The following PPM1H variants were observed in gnomAD, a reference collection of about 807,000 sequenced individuals.
PPM1H encodes protein phosphatase 1H.
A neutral mutation model predicts 54.9 loss-of-function variants in PPM1H; 27 were observed. The ratio of observed to expected loss-of-function variants is 0.49; its 90% CI spans 0.36 to 0.68. The LOEUF (loss-of-function observed/expected upper bound fraction) is 0.68. Ranked by LOEUF, PPM1H falls within the 30% of genes least tolerant of loss-of-function variation. The pLI, the probability that PPM1H is intolerant of heterozygous loss-of-function variation, is 0.00. For missense variants in PPM1H, 596 were observed against 667.8 expected, an observed-to-expected ratio of 0.89 and a Z score of 1.19; for synonymous variants, 305 against 270.8, an observed-to-expected ratio of 1.13 and a Z score of -1.24.
At chr12:62,680,802 T>C (rs1036510457) in intron 8 of PPM1H, among the ~76,000 whole-genome samples, 2 of 152,260 alleles carry the variant, frequency 1.3e-5, no homozygotes, top group African/African-American at 4.8e-5. Flanking sequence ...TTGGAGGAGG[T>C]TTGTTTTGTA....
chr12:62,816,486 T>C (rs1019794349), intron 2 of PPM1H, among the ~76,000 whole-genome samples: 4 of 152,200 alleles, frequency 2.6e-5, no homozygotes, highest in African/African-American at 9.6e-5. Context: ...CTTCAGACTA[T>C]GTGTGTAAGC....
chr12:62,912,645 T>A (rs765576467), intron 1 of PPM1H, among the ~76,000 whole-genome samples: 1 of 152,110 alleles, frequency 6.6e-6, no homozygotes, highest in Non-Finnish European at 1.5e-5. Context: ...ACTCAATCTG[T>A]TTTTTGTTTT....
intron 1 of PPM1H, among the ~76,000 whole-genome samples, chr12:62,854,216 T>C (rs1869301146): frequency 6.6e-6 from 1 of 152,174 alleles, no homozygotes; most frequent in African/African-American, 2.4e-5. Flanking sequence ...GTATAAACAG[T>C]GTAGAAATTA....
intron 1 of PPM1H, among the ~76,000 whole-genome samples, chr12:62,857,671 G>T (rs1592638970): frequency 6.6e-6 from 1 of 152,050 alleles, no homozygotes; most frequent in Non-Finnish European, 1.5e-5. Context: ...TTTTATTTAA[G>T]CCCTTCATGC....
intron 1 of PPM1H, among the ~76,000 whole-genome samples, chr12:62,876,943 C>T (rs1387536549): frequency 6.6e-6 from 1 of 152,166 alleles, no homozygotes; most frequent in South Asian, 2.1e-4. Context: ...TTTCCTTCAG[C>T]AAGAATTGGA....
chr12:62,657,904 G>A (rs989279067), intron 9 of PPM1H, among the ~76,000 whole-genome samples: 1 of 152,168 alleles, frequency 6.6e-6, no homozygotes, highest in Admixed American at 6.5e-5. Context: ...AGACTGACAA[G>A]TGTGGACATC....
At chr12:62,891,228 G>A (rs1462151651) in intron 1 of PPM1H, among the ~76,000 whole-genome samples, 3 of 151,038 alleles carry the variant, frequency 2.0e-5, no homozygotes, top group Non-Finnish European at 2.9e-5. Flanking sequence ...TTCCATATAC[G>A]AATGGAAATA....
chr12:62,656,087 G>A (rs1355155105), intron 9 of PPM1H, among the ~76,000 whole-genome samples: 1 of 152,222 alleles, frequency 6.6e-6, no homozygotes, highest in Non-Finnish European at 1.5e-5. Context: ...GACTCTTAAA[G>A]TCAGGCGGAA....
intron 1 of PPM1H, among the ~76,000 whole-genome samples, chr12:62,890,381 C>A (rs964061011): frequency 6.6e-6 from 1 of 152,094 alleles, no homozygotes; most frequent in South Asian, 2.1e-4. Context: ...ACGCTTGAGC[C>A]TGGAAGGTCA....
At chr12:62,698,818 G>A (rs1218636684) in intron 6 of PPM1H, among the ~76,000 whole-genome samples, 1 of 152,048 alleles carries the variant, frequency 6.6e-6, no homozygotes, top group Non-Finnish European at 1.5e-5. Flanking sequence ...GTCTCCTCTA[G>A]TTTATAATGA....
chr12:62,861,868 C>G (rs1869614306), intron 1 of PPM1H, among the ~76,000 whole-genome samples: 1 of 152,192 alleles, frequency 6.6e-6, no homozygotes, highest in Non-Finnish European at 1.5e-5. Flanking sequence ...TCAGTGTTAC[C>G]AAGTCTCCAG....
intron 3 of PPM1H, among the ~76,000 whole-genome samples, chr12:62,796,456 A>G (rs1222004487): frequency 6.6e-6 from 1 of 152,200 alleles, no homozygotes; most frequent in Non-Finnish European, 1.5e-5. Flanking sequence ...GGTTCGATTA[A>G]TTTGCTAGAG....
chr12:62,759,738 G>A (rs2076496190), intron 4 of PPM1H, among the ~76,000 whole-genome samples: 2 of 150,526 alleles, frequency 1.3e-5, no homozygotes, highest in South Asian at 4.2e-4. Context: ...TTCCTGGGGG[G>A]CAAGCACCTC....
At chr12:62,691,106 A>C (rs1334536685) in intron 7 of PPM1H, among the ~76,000 whole-genome samples, 1 of 152,216 alleles carries the variant, frequency 6.6e-6, no homozygotes, top group Non-Finnish European at 1.5e-5. Context: ...GCAAGTTTAG[A>C]GGAGGTAAAA....
chr12:62,689,865 A>G lies in PPM1H; in HGVS notation c.1138-59T>C, dbSNP rs111349683. ...GCACACAGTGAAAGCATCCCATTCC[A>G]GTGCAGCTGCCTGGGCTAGGAACAA... On this transcript the variant is annotated intron_variant, in intron 7 of 9. Transcript: ENST00000228705. 6.1e-4 allele frequency: 744 copies of G among 1,211,408 alleles called. 2 individuals are homozygous for G. In the African/African-American group the frequency reaches 0.01, roughly 17 times the overall value. The allele number at this position is 1,211,408 out of a possible 1,614,324, so 75.0% of individuals were successfully genotyped here. A position where few individuals can be genotyped will look rare whatever the true frequency, so the allele number is the denominator to read the frequency against.
intron 6 of PPM1H, among the ~76,000 whole-genome samples, chr12:62,698,352 C>T (rs163688): frequency 0.32 from 49,393 of 152,002 alleles, 9,228 homozygotes; most frequent in African/African-American, 0.51. Flanking sequence ...CCCAAACCCG[C>T]TGGCCCATCT....
chr12:62,849,592 G>C (rs1869102901), intron 1 of PPM1H, among the ~76,000 whole-genome samples: 1 of 152,168 alleles, frequency 6.6e-6, no homozygotes, highest in Non-Finnish European at 1.5e-5. Context: ...GAGGTTTTAA[G>C]AGGGAAAGGT....
At chr12:62,692,742 C>A (rs768640189) in intron 7 of PPM1H, among the ~76,000 whole-genome samples, 1 of 152,164 alleles carries the variant, frequency 6.6e-6, no homozygotes, top group Non-Finnish European at 1.5e-5. Flanking sequence ...GATTCTTAAC[C>A]AGAGACTGTG....
At position 62,801,890 on chromosome 12, in the gene PPM1H, G is replaced by T. The variant is rs760993330; in HGVS notation, c.682C>A (p.Arg228Ser). The T allele has an allele frequency of 3.1e-6, 5 of 1,613,736 alleles. No individual in the cohort carries two copies. The East Asian group carries it at 6.7e-5, about 22-fold the overall frequency. ...APGSPSTPPT[R>S]FFTEKKIPHE... ...GGAATCTTCTTCTCGGTAAAGAAGC[G>T]TGTGGGGGGCGTGCTGGGGGAGCCC... Residue 228 changes from arginine (R) to serine (S), a missense_variant, in exon 3 of 10, where the codon CGC becomes AGC. Arg to Ser is a moderately radical substitution (Grantham distance 110). Around this residue, in one of 3 missense-constraint regions of PPM1H, gnomAD observed 382 missense variants for 387.1 expected, o/e 0.99. Coordinates refer to ENST00000228705, the MANE Select transcript of PPM1H (RefSeq NM_020700.2).
Sources: gnomAD v4.1 joint callset for allele counts (sites outside exome capture counted in the v4.1 genomes callset) on GRCh38, gnomAD v4.1.1 for gene constraint, gnomAD v4.1.1 regional missense constraint, MANE v1.5 for transcripts, NCBI Gene and HGNC (gene_info 2026-07-23, HGNC 2026-07-21) for gene names.